The following SGPP2 variants were observed in gnomAD, a reference collection of about 807,000 sequenced individuals.
SGPP2 encodes the protein sphingosine-1-phosphate phosphatase 2, also known as sphingosine 1-phosphate phosphohydrolase 2.
A neutral mutation model predicts 33.9 loss-of-function variants in SGPP2; 30 were observed. The ratio of observed to expected loss-of-function variants is 0.89; its 90% CI spans 0.66 to 1.20. The LOEUF is 1.20. Ranked by LOEUF, SGPP2 falls within the 50% of genes most tolerant of loss-of-function variation. The pLI is 0.00. For synonymous variants in SGPP2, 233 were observed against 225.0 expected (o/e 1.04, Z -0.32); for missense variants, 458 against 532.1 (o/e 0.86, Z 1.37).
chr2:222,531,883 ACACCCAGCATC>A (rs1698844278), intron 4 of SGPP2, among the ~76,000 whole-genome samples: 1 of 152,178 alleles, frequency 6.6e-6, no homozygotes. Context: ...TACTCTGTAG[ACACCCAGCATC>A]CACATGAACC....
chr2:222,490,341 C>T (rs1158789896), intron 2 of SGPP2, among the ~76,000 whole-genome samples: 1 of 152,100 alleles, frequency 6.6e-6, no homozygotes, highest in East Asian at 1.9e-4. Context: ...AAATCAAAAC[C>T]CAGGCAATGA....
At chr2:222,473,886 T>G (rs182825439) in intron 1 of SGPP2, among the ~76,000 whole-genome samples, 1 of 144,378 alleles carries the variant, frequency 6.9e-6, no homozygotes, top group Admixed American at 7.1e-5. Flanking sequence ...ATTGTGCCAT[T>G]GCACTCCAGC....
chr2:222,424,666 G>T lies in SGPP2; in HGVS notation c.64G>T (p.Gly22Trp). ...CGTCGCCCGCTTCCAGCGCCGCTGC[G>T]GGCTCTTCCCCGCTCCGGATGAAGG... ...QLVARFQRRC[G>W]LFPAPDEGPR... is the part of the protein sequence containing the mutation. Residue 22 changes from glycine to tryptophan, a missense_variant, in exon 1 of 5, where the codon GGG (glycine) becomes TGG (tryptophan). Transcript: ENST00000321276. 6.9e-7 allele frequency: 1 copy of T among 1,442,288 alleles called. No homozygotes were observed. Among genetic ancestry groups the T allele is most frequent in the Non-Finnish European group, 9.1e-7 (1 of 1,097,730 alleles). The allele number at this position is 1,442,288 out of a possible 1,614,324, so 89.3% of individuals were successfully genotyped here. A position where few individuals can be genotyped will look rare whatever the true frequency, so the allele number is the denominator to read the frequency against.
chr2:222,473,269 A>G (rs1697876378), intron 1 of SGPP2, among the ~76,000 whole-genome samples: 1 of 152,142 alleles, frequency 6.6e-6, no homozygotes, highest in Admixed American at 6.5e-5. Context: ...GCTAGGTGGT[A>G]TTTCTTCTGG....
intron 4 of SGPP2, among the ~76,000 whole-genome samples, chr2:222,541,747 A>G (rs1574887479): frequency 6.6e-6 from 1 of 151,600 alleles, no homozygotes; most frequent in Non-Finnish European, 1.5e-5. Context: ...CCGAGTAGCT[A>G]GGATTACAGG....
chr2:222,496,535 A>G (rs1698283383), intron 2 of SGPP2, among the ~76,000 whole-genome samples: 1 of 152,146 alleles, frequency 6.6e-6, no homozygotes, highest in African/African-American at 2.4e-5. Context: ...TTAGTGATCT[A>G]TCTCAAATGC....
chr2:222,552,251 G>A (rs1444061618), intron 4 of SGPP2, among the ~76,000 whole-genome samples: 2 of 152,200 alleles, frequency 1.3e-5, no homozygotes, highest in Non-Finnish European at 2.9e-5. Flanking sequence ...GGATCAAATG[G>A]TAGTTCTACT....
intron 1 of SGPP2, among the ~76,000 whole-genome samples, chr2:222,438,878 C>A (rs1574830979): frequency 6.6e-6 from 1 of 152,204 alleles, no homozygotes; most frequent in Non-Finnish European, 1.5e-5. Context: ...CTAATGGCTT[C>A]CATTTGGCCT....
At chr2:222,499,438 A>G (rs574376149) in intron 2 of SGPP2, among the ~76,000 whole-genome samples, 51 of 152,360 alleles carry the variant, frequency 3.3e-4, no homozygotes, top group Middle Eastern at 6.8e-3. Flanking sequence ...GGCATCAGGC[A>G]GAGGACTCCA....
In SGPP2 at chr2:222,558,662, GT is replaced by G; in HGVS notation, c.968del (p.Leu323TrpfsTer3). 2 of 1,614,178 alleles carry G rather than the reference GT, an allele frequency of 1.2e-6. No homozygotes were observed. Among genetic ancestry groups the G allele is most frequent in the Non-Finnish European group, 1.7e-6 (2 of 1,180,034 alleles). On this transcript the variant is annotated frameshift_variant, in exon 5 of 5. Transcript: ENST00000321276. LOFTEE classifies it high-confidence loss of function. ...CCCACCACTCACCACCTACATGTTA[GT>G]TTTGGGTCTGACCAAATTTGCAGTG... ...NIPPLTTYMLVLGLTKFAVGI... is the reference protein window; with the variant it reads ...NIPPLTTYMLXLGLTKFAVGI...
In SGPP2 at chr2:222,461,721, G is replaced by A. The variant is rs375471589; in HGVS notation, c.220-12847G>A. On this transcript the variant is annotated intron_variant, in intron 1 of 4. Coordinates refer to ENST00000321276, the MANE Select transcript of SGPP2 (RefSeq NM_152386.4). ...CACAATAGGGTTTGTGCTCCTATGA[G>A]AATCTAACGGGGCCACTGATCTGAC... Among the ~76,000 whole-genome samples, 61 of 152,134 alleles carry A rather than the reference G, an allele frequency of 4.0e-4. No homozygotes were observed. The South Asian group carries it at 0.012, about 31-fold the overall frequency.
chr2:222,424,318 G>T (rs975243980), upstream of SGPP2, among the ~76,000 whole-genome samples: 2 of 152,040 alleles, frequency 1.3e-5, no homozygotes, highest in Non-Finnish European at 2.9e-5. Flanking sequence ...TTCGGAGATC[G>T]GCACTCCTCC....
intron 2 of SGPP2, among the ~76,000 whole-genome samples, chr2:222,510,484 C>T (rs1242278555): frequency 6.6e-6 from 1 of 152,170 alleles, no homozygotes; most frequent in East Asian, 1.9e-4. Context: ...CAGCAGTTTG[C>T]AGTGTTTCTA....
chr2:222,528,695 C>A (rs183559463), intron 4 of SGPP2, among the ~76,000 whole-genome samples: 1 of 152,298 alleles, frequency 6.6e-6, no homozygotes, highest in Admixed American at 6.5e-5. Flanking sequence ...TGGCTCACTG[C>A]AATGTCTGCC....
intron 1 of SGPP2, among the ~76,000 whole-genome samples, chr2:222,462,072 T>C (rs1178591690): frequency 6.6e-6 from 1 of 152,158 alleles, no homozygotes; most frequent in Non-Finnish European, 1.5e-5. Flanking sequence ...ATCTCTGAGC[T>C]GTGGTCCTTG....
At chr2:222,553,035 A>G (rs1443211558) in intron 4 of SGPP2, among the ~76,000 whole-genome samples, 1 of 152,218 alleles carries the variant, frequency 6.6e-6, no homozygotes, top group Non-Finnish European at 1.5e-5. Flanking sequence ...TTGTGGAATA[A>G]TGCAAAGACC....
At chr2:222,462,692 G>A (rs116251391) in intron 1 of SGPP2, among the ~76,000 whole-genome samples, 2,783 of 152,106 alleles carry the variant, frequency 0.018, 78 homozygotes, top group African/African-American at 0.062. Context: ...CATAGTAAAG[G>A]GACCACGAGG....
intron 2 of SGPP2, among the ~76,000 whole-genome samples, chr2:222,490,758 G>GACCC (rs1698185116): frequency 1.3e-5 from 2 of 152,044 alleles, no homozygotes; most frequent in African/African-American, 4.8e-5. Flanking sequence ...ATGTGCATTT[G>GACCC]AACACTAGAG....
chr2:222,443,722 CTATAGT>C (rs991544446), intron 1 of SGPP2, among the ~76,000 whole-genome samples: 2 of 152,090 alleles, frequency 1.3e-5, no homozygotes, highest in African/African-American at 4.8e-5. Context: ...GGGATCTTGG[CTATAGT>C]GAGCCTTTCA....
Sources: allele counts gnomAD v4.1 joint callset (sites outside exome capture counted in the v4.1 genomes callset), GRCh38; gene constraint gnomAD v4.1.1; transcripts MANE v1.5; gene names NCBI Gene and HGNC (gene_info 2026-07-23, HGNC 2026-07-21).